The following CAMSAP2 variants were observed in gnomAD, a reference collection of about 807,000 sequenced individuals.
CAMSAP2 encodes the protein calmodulin-regulated spectrin-associated protein 2.
Under a neutral mutation model 146.1 loss-of-function variants are expected in CAMSAP2, and 26 were observed. That is an observed-to-expected ratio of 0.18 (90% CI 0.13 to 0.25). CAMSAP2 has a LOEUF of 0.25. Among genes scored for constraint, CAMSAP2 ranks in the 10% least tolerant of loss-of-function variants. The pLI is 1.00. For synonymous variants in CAMSAP2, 499 were observed against 596.6 expected, an observed-to-expected ratio of 0.84 and a Z score of 2.38; for missense variants, 1,381 against 1,759.3, an observed-to-expected ratio of 0.78 and a Z score of 3.85.
intron 2 of CAMSAP2, among the ~76,000 whole-genome samples, chr1:200,762,531 T>G (rs1315113806): frequency 6.6e-6 from 1 of 152,202 alleles, no homozygotes; most frequent in Non-Finnish European, 1.5e-5. Flanking sequence ...CACTCCAGCT[T>G]GTGATTACTT....
In CAMSAP2 at chr1:200,770,314, G is replaced by A. The variant is rs114644777; in HGVS notation, c.399+9216G>A. Among the ~76,000 whole-genome samples, 1,184 of 152,192 alleles carry A rather than the reference G, an allele frequency of 7.8e-3. 17 individuals carry two copies. Among genetic ancestry groups the A allele is most frequent in the African/African-American group, 0.027 (1,116 of 41,532 alleles). Reference sequence around the variant, plus strand: ...GCCCAAAGTCAAACAGGTAATAAACGATAATGTTAGGATTTAAACTTGCAT... The same window carrying A: ...GCCCAAAGTCAAACAGGTAATAAACAATAATGTTAGGATTTAAACTTGCAT... On this transcript the variant is annotated intron_variant, in intron 2 of 16. Transcript: ENST00000358823.
At chr1:200,754,847 G>C (rs1490655177) in intron 1 of CAMSAP2, among the ~76,000 whole-genome samples, 1 of 152,122 alleles carries the variant, frequency 6.6e-6, no homozygotes, top group African/African-American at 2.4e-5. Context: ...CTCCCAAAGT[G>C]CTGGGATTAC....
chr1:200,767,814 A>C (rs1664998561), intron 2 of CAMSAP2, among the ~76,000 whole-genome samples: 2 of 152,164 alleles, frequency 1.3e-5, no homozygotes, highest in Non-Finnish European at 2.9e-5. Flanking sequence ...TTTACTACTC[A>C]TGTACCTAAT....
intron 3 of CAMSAP2, among the ~76,000 whole-genome samples, chr1:200,814,683 A>T (rs72746859): frequency 0.097 from 14,536 of 150,590 alleles, 820 homozygotes; most frequent in East Asian, 0.17. Flanking sequence ...CTAAAACTAC[A>T]ACTCTTCCTG....
chr1:200,852,639 G>T lies in CAMSAP2; in HGVS notation c.3564G>T (p.Gln1188His). 1 of 1,613,862 alleles carries T rather than the reference G, an allele frequency of 6.2e-7. No homozygotes were observed. Among genetic ancestry groups the T allele is most frequent in the Non-Finnish European group, 8.5e-7 (1 of 1,179,926 alleles). Residue 1188 changes from glutamine (Q) to histidine (H), a missense_variant, in exon 12 of 17, where the codon CAG (glutamine) becomes CAT (histidine). Gln to His is a conservative substitution (Grantham distance 24). This residue lies in a region of CAMSAP2 where 560 missense variants were observed against 715.9 expected (regional missense o/e 0.78). Coordinates refer to ENST00000358823, the MANE Select transcript of CAMSAP2 (RefSeq NM_203459.4). The stretch of plus-strand genomic sequence containing the variant: ...AGGAAACTCAGCTCCGGAAACAACA[G>T]TTGGAAGCAGAAATGGAGCATAAGA... ...REKETQLRKQQLEAEMEHKKE... is the reference protein window; with the variant it reads ...REKETQLRKQHLEAEMEHKKE...
Position 200,848,762 on chromosome 1 carries a change from C to T in CAMSAP2, c.1993C>T (p.Pro665Ser), listed in dbSNP as rs1185944386. Residue 665 changes from proline (P) to serine (S), a missense_variant, in exon 11 of 17, where the codon CCA becomes TCA. Coordinates refer to ENST00000358823, the MANE Select transcript of CAMSAP2 (RefSeq NM_203459.4). ...GNTREALSPC[P>S]STVSTKSQPG... is the part of the protein sequence containing the mutation. ...CACCAGGGAAGCTTTGAGTCCTTGT[C>T]CAAGTACTGTAAGTACCAAGTCTCA... 1.9e-6 allele frequency: 3 copies of T among 1,613,998 alleles called. No homozygotes were observed. The highest frequency in any genetic ancestry group is 2.5e-6 in the Non-Finnish European group (3 of 1,179,992).
At chr1:200,830,921 C>T (rs1667025013) in intron 4 of CAMSAP2, among the ~76,000 whole-genome samples, 1 of 152,156 alleles carries the variant, frequency 6.6e-6, no homozygotes, top group African/African-American at 2.4e-5. Flanking sequence ...ATAAGTATCT[C>T]CTTCTTCATT....
chr1:200,847,948 G>A, intron 10 of CAMSAP2, 84 bp from the exon 11 acceptor site: 2 of 1,023,746 alleles, frequency 2.0e-6, no homozygotes, highest in Non-Finnish European at 1.4e-6. Context: ...GAAAGGAAAT[G>A]TAATTTCAAA....
chr1:200,859,184 A>G lies in CAMSAP2; in HGVS notation c.*1125A>G, dbSNP rs1285542252. 6.6e-6 allele frequency: 1 copy of G among 152,602 alleles called. No individual in the cohort carries two copies. Among genetic ancestry groups the G allele is most frequent in the Non-Finnish European group, 1.5e-5 (1 of 67,888 alleles). 9.5% of individuals were successfully genotyped at this position (152,602 alleles called of 1,614,324 possible). On this transcript the variant is annotated 3_prime_UTR_variant, in exon 17 of 17. Transcript: ENST00000358823. ...TCCTCTACATGATCTTTGTTCTTTA[A>G]CAGTGTATACCAGAGGGTTAGTTGG... is the stretch of plus-strand genomic sequence containing the variant.
rs1374504438 is a variant in CAMSAP2, at chr1:200,847,684, A to C, written c.1237A>C (p.Ile413Leu). ...SSSMSYVDGF[I>L]GTWPKEKRSS... ...ATCTATGTCTTATGTTGATGGCTTC[A>C]TAGGGACATGGCCCAAAGAGAAAAG... Residue 413 changes from isoleucine (I) to leucine (L), a missense_variant, in exon 10 of 17, where the codon ATA becomes CTA. Physicochemically the swap from Ile to Leu is conservative, Grantham distance 5. Transcript: ENST00000358823. 6.2e-7 allele frequency: 1 copy of C among 1,612,752 alleles called. No individual in the cohort carries two copies. Among genetic ancestry groups the C allele is most frequent in the Non-Finnish European group, 8.5e-7 (1 of 1,179,090 alleles).
At chr1:200,773,714 A>G (rs1450991805) in intron 2 of CAMSAP2, among the ~76,000 whole-genome samples, 1 of 151,986 alleles carries the variant, frequency 6.6e-6, no homozygotes, top group African/African-American at 2.4e-5. Flanking sequence ...CTAATAGTAG[A>G]CACACACATA....
chr1:200,795,730 G>C (rs16847224), intron 2 of CAMSAP2, among the ~76,000 whole-genome samples: 3 of 152,052 alleles, frequency 2.0e-5, no homozygotes, highest in Non-Finnish European at 4.4e-5. Flanking sequence ...TCATTGGGTA[G>C]TGTGATTATT....
At chr1:200,746,346 GTGAT>G (rs913674214) in intron 1 of CAMSAP2, among the ~76,000 whole-genome samples, 3 of 152,136 alleles carry the variant, frequency 2.0e-5, no homozygotes, top group African/African-American at 4.8e-5. Context: ...ATAAGGCTTG[GTGAT>G]TGATTGGATA....
intron 6 of CAMSAP2, among the ~76,000 whole-genome samples, chr1:200,833,153 A>G (rs1364247969): frequency 2.6e-5 from 4 of 152,218 alleles, no homozygotes; most frequent in Non-Finnish European, 4.4e-5. Context: ...TAGATTAACT[A>G]TATTAGTCAA....
intron 2 of CAMSAP2, among the ~76,000 whole-genome samples, chr1:200,802,968 A>G (rs998557118): frequency 1.3e-5 from 2 of 152,178 alleles, no homozygotes; most frequent in African/African-American, 4.8e-5. Context: ...GGGATTCCAC[A>G]TTCCCCAAAT....
chr1:200,854,868 A>G lies in CAMSAP2; in HGVS notation c.3875A>G (p.His1292Arg), dbSNP rs982044454. 2.9e-5 allele frequency: 46 copies of G among 1,611,348 alleles called. No individual in the cohort carries two copies. Among genetic ancestry groups the G allele is most frequent in the Non-Finnish European group, 3.7e-5 (44 of 1,178,572 alleles). Residue 1292 changes from histidine (H) to arginine (R), a missense_variant, in exon 14 of 17, where the codon CAT (histidine) becomes CGT (arginine). Physicochemically the swap from His to Arg is conservative, Grantham distance 29 (BLOSUM62 0). This residue lies in a region of CAMSAP2 where 560 missense variants were observed against 715.9 expected (regional missense o/e 0.78). Coordinates refer to ENST00000358823, the MANE Select transcript of CAMSAP2 (RefSeq NM_203459.4). ...SLNTGDNESV[H>R]SGKRTPRSES... ...AACACGGGTGATAACGAGAGTGTAC[A>G]TTCAGGCAAGAGGACGCCAAGGTAA...
intron 4 of CAMSAP2, among the ~76,000 whole-genome samples, chr1:200,830,341 C>G (rs1247430204): frequency 6.6e-6 from 1 of 152,170 alleles, no homozygotes; most frequent in African/African-American, 2.4e-5. Flanking sequence ...ATACATGTGC[C>G]TGTTTGCACA....
chr1:200,789,084 GTCC>G (rs979045115), intron 2 of CAMSAP2, among the ~76,000 whole-genome samples: 3 of 152,122 alleles, frequency 2.0e-5, no homozygotes, highest in Non-Finnish European at 4.4e-5. Flanking sequence ...TTGGATAACA[GTCC>G]TTTATCAGAG....
intron 2 of CAMSAP2, among the ~76,000 whole-genome samples, chr1:200,771,075 G>C (rs1391642770): frequency 6.6e-6 from 1 of 152,122 alleles, no homozygotes; most frequent in Non-Finnish European, 1.5e-5. Context: ...CAGAGAATAT[G>C]AGCATGGAGT....
Sources: allele counts gnomAD v4.1 joint callset (sites outside exome capture counted in the v4.1 genomes callset), GRCh38; gene constraint gnomAD v4.1.1; regional missense constraint gnomAD v4.1.1; transcripts MANE v1.5; gene names NCBI Gene and HGNC (gene_info 2026-07-23, HGNC 2026-07-21).